The following APAF1 variants were observed in gnomAD, a reference collection of about 807,000 sequenced individuals.
APAF1 encodes the protein apoptotic peptidase activating factor 1, also known as apoptotic protease-activating factor 1.
Under a neutral mutation model 152.4 loss-of-function variants are expected in APAF1, and 91 were observed. The observed-to-expected ratio is 0.60, with a 90% CI of 0.50 to 0.71. APAF1 has a LOEUF of 0.71. Among genes scored for constraint, APAF1 ranks in the 30% least tolerant of loss-of-function variants. The pLI is 0.00. For synonymous variants in APAF1, 484 were observed against 494.1 expected, an observed-to-expected ratio of 0.98 and a Z score of 0.27; for missense variants, 1,283 against 1,472.0, an observed-to-expected ratio of 0.87 and a Z score of 2.10.
intron 13 of APAF1, 76 bp from the exon 14 acceptor site, chr12:98,680,201 C>T (rs1014148416): frequency 2.7e-6 from 4 of 1,456,222 alleles, no homozygotes; most frequent in Non-Finnish European, 2.8e-6. Context: ...ATTAAACTCA[C>T]TTAAAGATTT....
chr12:98,669,991 G>A (rs529646649), intron 10 of APAF1, among the ~76,000 whole-genome samples: 367 of 151,104 alleles, frequency 2.4e-3, no homozygotes, highest in African/African-American at 8.1e-3. Context: ...CCAGGCTGGA[G>A]TATAGTGGCA....
chr12:98,647,180 C>T (rs1293745400), intron 1 of APAF1, among the ~76,000 whole-genome samples: 2 of 150,960 alleles, frequency 1.3e-5, no homozygotes, highest in African/African-American at 4.9e-5. Context: ...CTTTCGGAGG[C>T]TGTGGCGGGT....
At chr12:98,718,397 T>C (rs1413204335) in intron 22 of APAF1, among the ~76,000 whole-genome samples, 2 of 152,178 alleles carry the variant, frequency 1.3e-5, no homozygotes, top group African/African-American at 4.8e-5. Context: ...CACATGCAGC[T>C]AATTTTTTTG....
At chr12:98,666,146 C>T (rs771282420) in intron 8 of APAF1, 44 bp from the exon 9 acceptor site, 1 of 1,570,420 alleles carries the variant, frequency 6.4e-7, no homozygotes, top group Non-Finnish European at 8.8e-7. Flanking sequence ...CAGTCCTGGT[C>T]ATTGTACTTT....
At chr12:98,648,850 T>A in intron 3 of APAF1, 35 bp downstream of exon 3, 1 of 1,595,246 alleles carries the variant, frequency 6.3e-7, no homozygotes, top group Non-Finnish European at 8.6e-7. Context: ...CACTTTGCTA[T>A]CAAAATTGCT....
Position 98,659,212 on chromosome 12 carries a change from T to G in APAF1, c.579T>G (p.Ser193=), listed in dbSNP as rs1171376532. Residue 193 remains serine, a synonymous_variant, in exon 5 of 27, where the codon TCT becomes TCG. Coordinates refer to ENST00000551964, the MANE Select transcript of APAF1 (RefSeq NM_181861.2). The part of the protein sequence containing the change: ...HWVSVGKQDK[S]GLLMKLQNLC... Reference sequence around the variant, plus strand: ...TTTCAGTTGGGAAACAAGACAAATCTGGGCTTCTGATGAAACTGCAGAATC... The same window carrying G: ...TTTCAGTTGGGAAACAAGACAAATCGGGGCTTCTGATGAAACTGCAGAATC... 1.2e-6 allele frequency: 2 copies of G among 1,614,096 alleles called. No individual in the cohort carries two copies. The highest frequency in any genetic ancestry group is 2.7e-5 in the African/African-American group (2 of 74,940).
rs149861603 is a variant in APAF1, at chr12:98,692,374, C to T, written c.2304+5501C>T. ...CTGGGATTACAGGCGTGAGCCACTG[C>T]ACCCAGCCTATGTTTCATGATTTAA... is the stretch of plus-strand genomic sequence containing the variant. On this transcript the variant is annotated intron_variant, in intron 16 of 26. Transcript: ENST00000551964. Among the ~76,000 whole-genome samples, 366 of 152,156 alleles carry T rather than the reference C, an allele frequency of 2.4e-3. 3 individuals carry two copies. The highest frequency in any genetic ancestry group is 8.4e-3 in the African/African-American group (348 of 41,522).
chr12:98,662,595 T>G, intron 6 of APAF1, 27 bp downstream of exon 6: 1 of 1,602,550 alleles, frequency 6.2e-7, no homozygotes, highest in Non-Finnish European at 8.5e-7. Flanking sequence ...TACTTTTTAG[T>G]ACCTTTATAT....
At chr12:98,710,589 A>G (rs1434223711) in intron 20 of APAF1, among the ~76,000 whole-genome samples, 2 of 152,164 alleles carry the variant, frequency 1.3e-5, no homozygotes, top group Non-Finnish European at 2.9e-5. Flanking sequence ...TGTCATTCAA[A>G]AAATTTTTTT....
At chr12:98,648,859 C>T in intron 3 of APAF1, 44 bp downstream of exon 3, 1 of 1,579,594 alleles carries the variant, frequency 6.3e-7, no homozygotes, top group Non-Finnish European at 8.7e-7. Context: ...ATCAAAATTG[C>T]TTTGGGTTTG....
At chr12:98,731,949 A>G (rs1382623025) in intron 26 of APAF1, among the ~76,000 whole-genome samples, 1 of 152,220 alleles carries the variant, frequency 6.6e-6, no homozygotes, top group African/African-American at 2.4e-5. Context: ...ACCTGGGGAA[A>G]GGGAAGATTC....
chr12:98,714,933 T>G (rs2097732326), intron 21 of APAF1, among the ~76,000 whole-genome samples: 1 of 151,078 alleles, frequency 6.6e-6, no homozygotes, highest in Non-Finnish European at 1.5e-5. Context: ...TTAAGTATTC[T>G]CATTGCACTG....
At chr12:98,674,783 T>G (rs1490931988) in intron 12 of APAF1, among the ~76,000 whole-genome samples, 1 of 152,178 alleles carries the variant, frequency 6.6e-6, no homozygotes, top group Non-Finnish European at 1.5e-5. Context: ...TGTATATATG[T>G]ATATAAACGT....
chr12:98,659,738 G>A (rs2097662430), intron 5 of APAF1, among the ~76,000 whole-genome samples: 1 of 113,030 alleles, frequency 8.8e-6, no homozygotes, highest in Non-Finnish European at 1.7e-5. Flanking sequence ...GGCAATAAGA[G>A]TGAAACTCCA....
At chr12:98,695,346 C>A (rs2097708624) in intron 16 of APAF1, among the ~76,000 whole-genome samples, 1 of 149,656 alleles carries the variant, frequency 6.7e-6, no homozygotes, top group Non-Finnish European at 1.5e-5. Flanking sequence ...CCACTGCGCC[C>A]AATGCCGCCC....
chr12:98,702,286 C>T (rs1022354245), intron 17 of APAF1, among the ~76,000 whole-genome samples: 53 of 151,872 alleles, frequency 3.5e-4, no homozygotes, highest in African/African-American at 1.1e-3. Context: ...AGGATGGTCT[C>T]GATCTCCTGA....
chr12:98,664,374 A>G (rs1304061450), intron 7 of APAF1, among the ~76,000 whole-genome samples: 1 of 152,152 alleles, frequency 6.6e-6, no homozygotes, highest in Non-Finnish European at 1.5e-5. Context: ...ATTTGTAGTT[A>G]TTACAAAGGG....
At chr12:98,690,577 T>G (rs1295259253) in intron 16 of APAF1, among the ~76,000 whole-genome samples, 1 of 152,214 alleles carries the variant, frequency 6.6e-6, no homozygotes, top group Non-Finnish European at 1.5e-5. Flanking sequence ...ATCCTTAGCA[T>G]GTTTGCCATT....
At chr12:98,686,516 C>G (rs1296815988) in intron 15 of APAF1, among the ~76,000 whole-genome samples, 1 of 152,112 alleles carries the variant, frequency 6.6e-6, no homozygotes, top group African/African-American at 2.4e-5. Context: ...GCCTAAAAAC[C>G]TCGGTGAGCC....
Sources: gnomAD v4.1 joint callset for allele counts (sites outside exome capture counted in the v4.1 genomes callset) on GRCh38, gnomAD v4.1.1 for gene constraint, MANE v1.5 for transcripts, NCBI Gene and HGNC (gene_info 2026-07-23, HGNC 2026-07-21) for gene names.